The following ARHGAP15 variants were observed in gnomAD, a reference collection of about 807,000 sequenced individuals.
ARHGAP15 encodes the protein rho GTPase-activating protein 15.
ARHGAP15 carries 51 observed loss-of-function variants against 63.7 expected under a neutral mutation model. The ratio of observed to expected loss-of-function variants is 0.80; its 90% CI spans 0.64 to 1.01. ARHGAP15 has a LOEUF of 1.01. ARHGAP15 is among the 50% of genes least tolerant of loss of function. The pLI is 0.00. For synonymous variants in ARHGAP15, 191 were observed against 193.8 expected (o/e 0.99, Z 0.12); for missense variants, 560 against 564.6 (o/e 0.99, Z 0.08).
intron 6 of ARHGAP15, among the ~76,000 whole-genome samples, chr2:143,276,328 G>C (rs781195309): frequency 1.4e-4 from 22 of 152,080 alleles, no homozygotes; most frequent in Non-Finnish European, 7.4e-5. Flanking sequence ...TGTATAGCTT[G>C]GTCTGTTTTC....
intron 5 of ARHGAP15, chr2:143,236,107 C>T (rs1693632825): frequency 1.8e-6 from 2 of 1,085,040 alleles, no homozygotes; most frequent in Admixed American, 3.6e-5. Context: ...GTTAACAACT[C>T]CTACCAGGTG....
At chr2:143,765,826 T>C (rs1686929656) in intron 13 of ARHGAP15, among the ~76,000 whole-genome samples, 1 of 152,058 alleles carries the variant, frequency 6.6e-6, no homozygotes, top group Admixed American at 6.6e-5. Flanking sequence ...TGTCAGCTTG[T>C]GTGACACTGG....
At chr2:143,274,666 T>C (rs1041413835) in intron 6 of ARHGAP15, among the ~76,000 whole-genome samples, 3 of 152,226 alleles carry the variant, frequency 2.0e-5, no homozygotes, top group African/African-American at 7.2e-5. Flanking sequence ...ATACAATTGA[T>C]TGGGTCACAA....
At chr2:143,390,439 A>G (rs1057048528) in intron 6 of ARHGAP15, among the ~76,000 whole-genome samples, 4 of 152,158 alleles carry the variant, frequency 2.6e-5, no homozygotes, top group African/African-American at 9.7e-5. Flanking sequence ...CCTCACGGGG[A>G]GGCCTGCTTC....
chr2:143,262,535 A>ATTTTTTTTTGTTTTTTTTT (rs1680775143), intron 6 of ARHGAP15, among the ~76,000 whole-genome samples: 1 of 90,924 alleles, frequency 1.1e-5, no homozygotes, highest in African/African-American at 4.7e-5. Context: ...TGAACCTTTG[A>ATTTTTTTTTGTTTTTTTTT]TTTTTTTTTT....
intron 6 of ARHGAP15, among the ~76,000 whole-genome samples, chr2:143,317,583 G>A (rs573096659): frequency 8.5e-5 from 13 of 152,284 alleles, no homozygotes; most frequent in South Asian, 2.1e-4. Flanking sequence ...AGTATTATGC[G>A]TGAAACAGCA....
At chr2:143,471,559 A>C (rs1175430979) in intron 8 of ARHGAP15, among the ~76,000 whole-genome samples, 1 of 152,160 alleles carries the variant, frequency 6.6e-6, no homozygotes, top group African/African-American at 2.4e-5. Context: ...AGGGCTCCTA[A>C]GTGGGGAAAA....
chr2:143,306,719 C>T (rs1169761809), intron 6 of ARHGAP15, among the ~76,000 whole-genome samples: 3 of 152,086 alleles, frequency 2.0e-5, no homozygotes, highest in South Asian at 2.1e-4. Context: ...TCTTCAGTAG[C>T]GGAAGGATTT....
chr2:143,331,339 C>T (rs1191063673), intron 6 of ARHGAP15, among the ~76,000 whole-genome samples: 1 of 152,098 alleles, frequency 6.6e-6, no homozygotes, highest in Non-Finnish European at 1.5e-5. Flanking sequence ...AAAAGCATGC[C>T]ATCTTTAGGT....
intron 4 of ARHGAP15, among the ~76,000 whole-genome samples, chr2:143,222,583 A>G (rs1045931534): frequency 6.6e-6 from 1 of 152,232 alleles, no homozygotes; most frequent in Non-Finnish European, 1.5e-5. Context: ...ATAAGCTGTT[A>G]CAATCAAAGT....
chr2:143,396,877 C>G (rs1687784285), intron 6 of ARHGAP15, among the ~76,000 whole-genome samples: 2 of 151,964 alleles, frequency 1.3e-5, no homozygotes, highest in African/African-American at 2.4e-5. Flanking sequence ...TCTTTGAAGT[C>G]TGTGAAGATT....
chr2:143,758,101 T>C (rs1686640769), intron 13 of ARHGAP15, among the ~76,000 whole-genome samples: 1 of 152,030 alleles, frequency 6.6e-6, no homozygotes, highest in South Asian at 2.1e-4. Context: ...AATTAAGGTA[T>C]TTCCATACTA....
chr2:143,619,648 C>T (rs562010072), intron 11 of ARHGAP15, among the ~76,000 whole-genome samples: 2 of 152,262 alleles, frequency 1.3e-5, no homozygotes, highest in South Asian at 4.1e-4. Context: ...GAATTGTAAT[C>T]CCCAATGTTG....
At chr2:143,547,258 ATTG>A (rs1188857253) in intron 10 of ARHGAP15, among the ~76,000 whole-genome samples, 1 of 152,172 alleles carries the variant, frequency 6.6e-6, no homozygotes. Context: ...ATAGGACACT[ATTG>A]TTCCACTATT....
chr2:143,606,067 A>AAAAAAAAAAAAAAAAAAAC (rs1559076923), intron 11 of ARHGAP15, among the ~76,000 whole-genome samples: 1 of 43,774 alleles, frequency 2.3e-5, no homozygotes, highest in Non-Finnish European at 6.9e-5. Context: ...AAAAAAAAAA[A>AAAAAAAAAAAAAAAAAAAC]AAAGCCATAC....
chr2:143,447,452 A>G (rs1046898658), intron 8 of ARHGAP15, among the ~76,000 whole-genome samples: 1 of 152,200 alleles, frequency 6.6e-6, no homozygotes, highest in Non-Finnish European at 1.5e-5. Context: ...TCACCAAACT[A>G]TAGTGTATTG....
intron 9 of ARHGAP15, among the ~76,000 whole-genome samples, chr2:143,489,138 G>A (rs1409104807): frequency 1.3e-5 from 2 of 152,172 alleles, no homozygotes; most frequent in Non-Finnish European, 2.9e-5. Context: ...TCACGACTGG[G>A]ACAAAATAAA....
chr2:143,406,939 A>G (rs552624275), intron 6 of ARHGAP15, among the ~76,000 whole-genome samples: 1 of 151,918 alleles, frequency 6.6e-6, no homozygotes, highest in East Asian at 1.9e-4. Flanking sequence ...ACAGGAGAAC[A>G]TCAAAGGGCC....
Position 143,377,033 on chromosome 2 carries a change from C to T in ARHGAP15, c.475-58568C>T, listed in dbSNP as rs75362393. 9.9e-3 allele frequency among the ~76,000 whole-genome samples: 1,503 copies of T among 152,172 alleles called. 11 individuals are homozygous for T. Among genetic ancestry groups the T allele is most frequent in the Middle Eastern group, 0.014 (4 of 294 alleles). On this transcript the variant is annotated intron_variant, in intron 6 of 13. Transcript: ENST00000295095. ...TGGCATTAAAATGAGACTTTGCTCC[C>T]TTATTGAGGAAGTACAAGTTTTGGA... is the stretch of plus-strand genomic sequence containing the variant.
Sources: allele counts gnomAD v4.1 joint callset (sites outside exome capture counted in the v4.1 genomes callset), GRCh38; gene constraint gnomAD v4.1.1; transcripts MANE v1.5; gene names NCBI Gene and HGNC (gene_info 2026-07-23, HGNC 2026-07-21).